The following SLC9A9 variants were observed in gnomAD, a reference collection of about 807,000 sequenced individuals.
SLC9A9 encodes sodium/hydrogen exchanger 9.
SLC9A9 carries 62 observed loss-of-function variants against 77.8 expected under a neutral mutation model. That is an observed-to-expected ratio of 0.80 (90% CI 0.65 to 0.98). The LOEUF is 0.98. SLC9A9 is among the 50% of genes least tolerant of loss of function. The probability of loss-of-function intolerance (pLI) is 0.00; values close to 1 mark genes in which losing one functional copy is unlikely to be tolerated. For synonymous variants in SLC9A9, 320 were observed against 283.5 expected, an observed-to-expected ratio of 1.13 and a Z score of -1.29; for missense variants, 775 against 774.9, an observed-to-expected ratio of 1.00 and a Z score of 0.00.
chr3:143,718,498 C>T (rs1235377043), intron 4 of SLC9A9, among the ~76,000 whole-genome samples: 1 of 152,160 alleles, frequency 6.6e-6, no homozygotes, highest in Non-Finnish European at 1.5e-5. Flanking sequence ...CCAATGTGCC[C>T]GCGAGATTGG....
chr3:143,289,411 G>A (rs1381496174), intron 14 of SLC9A9, among the ~76,000 whole-genome samples: 4 of 152,036 alleles, frequency 2.6e-5, no homozygotes, highest in Admixed American at 1.3e-4. Context: ...AAGCTCTGGC[G>A]AAGGCTAAGG....
chr3:143,586,134 G>A (rs1032145385), intron 6 of SLC9A9, among the ~76,000 whole-genome samples: 1 of 152,250 alleles, frequency 6.6e-6, no homozygotes, highest in South Asian at 2.1e-4. Context: ...GTCATACACA[G>A]ATGTGAGGCA....
intron 6 of SLC9A9, among the ~76,000 whole-genome samples, chr3:143,616,784 C>A (rs1240710611): frequency 6.6e-6 from 1 of 152,110 alleles, no homozygotes; most frequent in Non-Finnish European, 1.5e-5. Context: ...ACCTTAGAAA[C>A]CTCTCATAAA....
chr3:143,652,778 T>TACACACACACACACACACACAC (rs369670861), intron 5 of SLC9A9, among the ~76,000 whole-genome samples: 2 of 82,380 alleles, frequency 2.4e-5, no homozygotes, highest in African/African-American at 4.3e-5. Context: ...ATTCCTTAAA[T>TACACACACACACACACACACAC]ACACACACAC....
At chr3:143,373,584 T>TCC (rs2033105877) in intron 13 of SLC9A9, among the ~76,000 whole-genome samples, 1 of 89,882 alleles carries the variant, frequency 1.1e-5, no homozygotes, top group Admixed American at 1.5e-4. Context: ...AACCATTGTA[T>TCC]CCCCAAAGCC....
chr3:143,763,521 A>T (rs1023003680), intron 4 of SLC9A9, among the ~76,000 whole-genome samples: 1 of 152,164 alleles, frequency 6.6e-6, no homozygotes, highest in Non-Finnish European at 1.5e-5. Context: ...ATAATAAAAT[A>T]CCATCATGGA....
intron 9 of SLC9A9, among the ~76,000 whole-genome samples, chr3:143,521,428 C>A (rs548125316): frequency 6.6e-6 from 1 of 152,170 alleles, no homozygotes; most frequent in African/African-American, 2.4e-5. Context: ...TACATATATG[C>A]GCTTTTCTTC....
intron 6 of SLC9A9, among the ~76,000 whole-genome samples, chr3:143,607,875 A>T (rs1259844880): frequency 6.6e-6 from 1 of 151,934 alleles, no homozygotes; most frequent in Admixed American, 6.6e-5. Flanking sequence ...TAAATGTGTT[A>T]TGTTTTATAG....
intron 14 of SLC9A9, among the ~76,000 whole-genome samples, chr3:143,300,775 T>C (rs898769447): frequency 6.6e-6 from 1 of 152,214 alleles, no homozygotes; most frequent in Non-Finnish European, 1.5e-5. Flanking sequence ...AGCAGCCAAG[T>C]TGGAGTACCA....
intron 10 of SLC9A9, among the ~76,000 whole-genome samples, chr3:143,494,073 G>T (rs1280589888): frequency 2.0e-5 from 3 of 152,110 alleles, no homozygotes; most frequent in African/African-American, 7.2e-5. Flanking sequence ...CCTCAATTCT[G>T]CTGTAAAATG....
intron 4 of SLC9A9, among the ~76,000 whole-genome samples, chr3:143,792,806 C>A (rs1203460983): frequency 2.6e-5 from 4 of 152,164 alleles, no homozygotes; most frequent in African/African-American, 9.7e-5. Context: ...AGGCCTTTAT[C>A]ATTTCCAATC....
At chr3:143,741,758 T>C (rs752133634) in intron 4 of SLC9A9, among the ~76,000 whole-genome samples, 8 of 152,072 alleles carry the variant, frequency 5.3e-5, no homozygotes, top group Non-Finnish European at 1.2e-4. Context: ...TCGGTGATCT[T>C]CCCCCTAACC....
intron 15 of SLC9A9, 96 bp downstream of exon 15, chr3:143,268,779 G>GTAGCAGGC (rs1452429414): frequency 1.7e-6 from 1 of 584,792 alleles, no homozygotes; most frequent in African/African-American, 2.1e-5. Context: ...AATCCTGCAA[G>GTAGCAGGC]TAGCAGGCTT....
intron 4 of SLC9A9, among the ~76,000 whole-genome samples, chr3:143,744,361 T>G (rs1191712723): frequency 1.3e-5 from 2 of 152,162 alleles, no homozygotes; most frequent in Non-Finnish European, 2.9e-5. Context: ...GTGGTGCCTC[T>G]TGATTGGGAG....
intron 13 of SLC9A9, among the ~76,000 whole-genome samples, chr3:143,373,605 T>TAAAAAAAAAAAAAAAAA (rs67376157): frequency 1.7e-5 from 1 of 58,622 alleles, no homozygotes; most frequent in East Asian, 4.8e-4. Flanking sequence ...ACTGAAATAG[T>TAAAAAAAAAAAAAAAAA]AAAAAAAAAA....
intron 9 of SLC9A9, among the ~76,000 whole-genome samples, chr3:143,527,345 C>T (rs964844815): frequency 3.3e-5 from 5 of 152,126 alleles, no homozygotes; most frequent in East Asian, 1.9e-4. Context: ...TTTATTGACA[C>T]GTGACAAAAC....
At chr3:143,519,712 C>T (rs772844180) in intron 9 of SLC9A9, among the ~76,000 whole-genome samples, 5 of 151,830 alleles carry the variant, frequency 3.3e-5, no homozygotes, top group Non-Finnish European at 5.9e-5. Context: ...CCTGGACCAG[C>T]GTGGGGGCAA....
intron 8 of SLC9A9, among the ~76,000 whole-genome samples, chr3:143,566,924 G>A (rs897764953): frequency 3.9e-5 from 6 of 152,026 alleles, no homozygotes; most frequent in South Asian, 2.1e-4. Context: ...TGTGCTTTTC[G>A]GTTATCTTTA....
At chr3:143,564,162 C>T (rs1323595471) in intron 8 of SLC9A9, among the ~76,000 whole-genome samples, 2 of 152,102 alleles carry the variant, frequency 1.3e-5, no homozygotes, top group Admixed American at 6.6e-5. Flanking sequence ...TGGCAGGGTC[C>T]GTTGTCTTCT....
Sources: gnomAD v4.1 joint callset for allele counts (sites outside exome capture counted in the v4.1 genomes callset) on GRCh38, gnomAD v4.1.1 for gene constraint, MANE v1.5 for transcripts, NCBI Gene and HGNC (gene_info 2026-07-23, HGNC 2026-07-21) for gene names.